The following ANXA6 variants were observed in gnomAD, a reference collection of about 807,000 sequenced individuals.
ANXA6 encodes the protein annexin A6, also known as 67 kDa calelectrin.
In ANXA6, 71 loss-of-function variants were observed where a neutral mutation model predicts 95.4. The observed-to-expected ratio is 0.74, with a 90% CI of 0.61 to 0.91. The LOEUF (loss-of-function observed/expected upper bound fraction) is 0.91. Ranked by LOEUF, ANXA6 falls within the 40% of genes least tolerant of loss-of-function variation. The pLI is 0.00. For synonymous variants in ANXA6, 289 were observed against 315.9 expected (o/e 0.91, Z 0.90); for missense variants, 830 against 876.4 (o/e 0.95, Z 0.67).
intron 18 of ANXA6, 68 bp downstream of exon 18, chr5:151,119,232 G>A: frequency 7.6e-7 from 1 of 1,315,332 alleles, no homozygotes; most frequent in Non-Finnish European, 1.1e-6. Context: ...CAGAGCTGTG[G>A]GCTGGGGTTG....
rs1401085589 is a variant in ANXA6, at chr5:151,137,232, A to G, written c.408T>C (p.Asp136=). 3.7e-6 allele frequency: 6 copies of G among 1,613,440 alleles called. No individual in the cohort carries two copies. The highest frequency in any genetic ancestry group is 2.7e-5 in the African/African-American group (2 of 75,040). ...AGCGGCCCCTCCTGCCCATCTCACCATCTTTGTATGCTGCCACCAGCTGGT... is the reference window on the plus strand; with the variant it reads ...AGCGGCCCCTCCTGCCCATCTCACCGTCTTTGTATGCTGCCACCAGCTGGT... The part of the protein sequence containing the change: ...QMHQLVAAYK[D]AYERDLEADI... The change falls in exon 6 of 26, where the codon GAT becomes GAC. Residue 136 remains aspartate, a splice_region_variant and synonymous_variant. Transcript: ENST00000354546.
intron 2 of ANXA6, among the ~76,000 whole-genome samples, chr5:151,140,954 G>A (rs558654810): frequency 6.6e-6 from 1 of 152,306 alleles, no homozygotes; most frequent in African/African-American, 2.4e-5. Context: ...ACTGAGGGTG[G>A]GGTCCTGGGC....
chr5:151,128,064 C>A, intron 13 of ANXA6, 117 bp downstream of exon 13: 1 of 899,310 alleles, frequency 1.1e-6, no homozygotes. Flanking sequence ...GTGCGACGCT[C>A]CTGGCTCAGG....
In ANXA6 at chr5:151,117,799, T is replaced by C; in HGVS notation, c.1477A>G (p.Thr493Ala). 6.2e-7 allele frequency: 1 copy of C among 1,613,792 alleles called. No individual in the cohort carries two copies. Among genetic ancestry groups the C allele is most frequent in the Non-Finnish European group, 8.5e-7 (1 of 1,179,792 alleles). Reference protein sequence around the residue: ...KSLEDALSSDTSGHFRRILIS... With the variant: ...KSLEDALSSDASGHFRRILIS... The stretch of plus-strand genomic sequence containing the variant: ...AGGATCCTCCTGAAGTGGCCAGATG[T>C]GTCTGAGCTCAGAGCATCCTCCAGG... The change falls in exon 19 of 26, where the codon ACA (threonine) becomes GCA (alanine). Residue 493 changes from threonine (T) to alanine (A), a missense_variant. Physicochemically the swap from Thr to Ala is moderately conservative, Grantham distance 58 (BLOSUM62 0). Coordinates refer to ENST00000354546, the MANE Select transcript of ANXA6 (RefSeq NM_001155.5).
rs2113895939 is a variant in ANXA6, at chr5:151,108,455, C to T, written c.1780G>A (p.Val594Ile). 1 of 1,613,268 alleles carries T rather than the reference C, an allele frequency of 6.2e-7. No individual in the cohort carries two copies. The highest frequency in any genetic ancestry group is 2.2e-5 in the East Asian group (1 of 44,882). ...GDVRDAFVAI[V>I]QSVKNKPLFF... The stretch of plus-strand genomic sequence containing the variant: ...CCTTCCCTTAGTCCCTGCCAGTTAC[C>T]AATGGCCACAAATGCATCCCTGACA... The change falls in exon 23 of 26, where the codon GTT (valine) becomes ATT (isoleucine). Residue 594 changes from valine (V) to isoleucine (I), a missense_variant and splice_region_variant. Val to Ile is a conservative substitution (Grantham distance 29). Transcript: ENST00000354546.
rs549370441 is a variant in ANXA6 at position 151,139,902 on chromosome 5, C to A, written c.109+251G>T. On this transcript the variant is annotated intron_variant, in intron 3 of 25. Transcript: ENST00000354546. ...GGAGGGGGATCTACCAAGGAAACTT[C>A]AACTATGCTAATGAAGCACTAGTTC... is the stretch of plus-strand genomic sequence containing the variant. Among the ~76,000 whole-genome samples, 4 of 152,334 alleles carry A rather than the reference C, an allele frequency of 2.6e-5. No individual in the cohort carries two copies. The South Asian group carries it at 8.3e-4, about 32-fold the overall frequency.
intron 2 of ANXA6, among the ~76,000 whole-genome samples, chr5:151,141,891 C>T (rs1367502053): frequency 3.9e-5 from 6 of 152,162 alleles, no homozygotes; most frequent in Non-Finnish European, 1.5e-5. Flanking sequence ...CTCCCCTTGG[C>T]CTTACTTCAG....
Position 151,128,452 on chromosome 5 carries a change from T to C in ANXA6, c.919-213A>G, listed in dbSNP as rs189144718. The C allele has an allele frequency of 2.6e-4, 143 of 548,522 alleles. 1 individual carries two copies. Among genetic ancestry groups the C allele is most frequent in the African/African-American group, 1.8e-3 (95 of 52,844 alleles). 34.0% of individuals were successfully genotyped at this position (548,522 alleles called of 1,614,324 possible). A position where few individuals can be genotyped will look rare whatever the true frequency, so the allele number is the denominator to read the frequency against. ...AATTTATAGCATTTGCCTATTTCTG[T>C]GGTGTAAATACTTCTAGCAATGGAC... On this transcript the variant is annotated intron_variant, in intron 12 of 25. Transcript: ENST00000354546.
chr5:151,148,020 G>A (rs1766014441), intron 1 of ANXA6, 94 bp from the exon 2 acceptor site: 1 of 1,265,334 alleles, frequency 7.9e-7, no homozygotes, highest in Admixed American at 2.0e-5. Context: ...TTTTCCAGCT[G>A]CCCCCAGCCC....
intron 6 of ANXA6, 146 bp from the exon 7 acceptor site, chr5:151,136,481 T>C: frequency 1.5e-6 from 1 of 675,106 alleles, no homozygotes; most frequent in South Asian, 1.8e-5. Context: ...ACCCAGGGTA[T>C]ATTTTCACAG....
chr5:151,118,567 G>T (rs1471186690), intron 18 of ANXA6, among the ~76,000 whole-genome samples: 2 of 152,092 alleles, frequency 1.3e-5, no homozygotes, highest in Non-Finnish European at 2.9e-5. Flanking sequence ...CTAAGTAGCT[G>T]GGGCTACAGG....
rs771024810 is a variant in ANXA6 at position 151,128,245 on chromosome 5, GAGAA to G, written c.919-10_919-7del. On this transcript the variant is annotated splice_region_variant and splice_polypyrimidine_tract_variant and intron_variant, in intron 12 of 25. Transcript: ENST00000354546. ...TACTCGCCAGAGGTGTCATTCTGAA[GAGAA>G]AGAAAGAAAGGTTACCTCTCACCCA... The G allele has an allele frequency of 1.5e-5, 24 of 1,607,168 alleles. No individual in the cohort carries two copies. The highest frequency in any genetic ancestry group is 1.3e-4 in the African/African-American group (10 of 74,784).
At chr5:151,129,663 T>TC (rs1189768668) in intron 11 of ANXA6, 134 bp from the exon 12 acceptor site, 1 of 1,019,942 alleles carries the variant, frequency 9.8e-7, no homozygotes, top group African/African-American at 1.6e-5. Flanking sequence ...ACATTGCCAT[T>TC]CCCATTGAAG....
At chr5:151,137,121 A>T in intron 6 of ANXA6, 110 bp downstream of exon 6, 2 of 908,978 alleles carry the variant, frequency 2.2e-6, no homozygotes, top group Non-Finnish European at 3.4e-6. Context: ...CAAATGGATC[A>T]GAGGAAAGGA....
chr5:151,117,187 C>A lies in ANXA6; in HGVS notation c.1519-7G>T. The A allele has an allele frequency of 6.3e-7, 1 of 1,588,768 alleles. No homozygotes were observed. Among genetic ancestry groups the A allele is most frequent in the Non-Finnish European group, 8.6e-7 (1 of 1,165,166 alleles). On this transcript the variant is annotated splice_region_variant and splice_polypyrimidine_tract_variant and intron_variant, in intron 19 of 25. Coordinates refer to ENST00000354546, the MANE Select transcript of ANXA6 (RefSeq NM_001155.5). ...CTCCCTCCTCACGATGCCCCTGCAGCAGGAGCAGCAAGAAAGTTCAGTCCC... is the reference window on the plus strand; with the variant it reads ...CTCCCTCCTCACGATGCCCCTGCAGAAGGAGCAGCAAGAAAGTTCAGTCCC...
chr5:151,119,355 G>C lies in ANXA6; in HGVS notation c.1383C>G (p.Ile461Met). ...AGTDEKALIE[I>M]LATRTNAEIR... ...TTTCAGCATTGGTCCGAGTGGCCAG[G>C]ATTTCAATAAGAGCCTTTTCATCTG... The change falls in exon 18 of 26, where the codon ATC becomes ATG. Residue 461 changes from isoleucine to methionine, a missense_variant. Transcript: ENST00000354546. 6.2e-7 allele frequency: 1 copy of C among 1,613,818 alleles called. No individual in the cohort carries two copies. Among genetic ancestry groups the C allele is most frequent in the Non-Finnish European group, 8.5e-7 (1 of 1,179,886 alleles).
At chr5:151,129,322 T>A in intron 12 of ANXA6, 85 bp downstream of exon 12, 2 of 1,544,836 alleles carry the variant, frequency 1.3e-6, no homozygotes. Context: ...CTAGGACATT[T>A]CCTTTTCCTG....
intron 1 of ANXA6, among the ~76,000 whole-genome samples, chr5:151,157,036 G>A (rs909996162): frequency 6.6e-6 from 1 of 152,184 alleles, no homozygotes; most frequent in Admixed American, 6.5e-5. Flanking sequence ...CCGCTTAGGG[G>A]ATGCAGAAAG....
At chr5:151,150,506 G>GT (rs1285101061) in intron 1 of ANXA6, among the ~76,000 whole-genome samples, 5 of 152,202 alleles carry the variant, frequency 3.3e-5, no homozygotes, top group African/African-American at 1.2e-4. Flanking sequence ...TTGCCTCTGT[G>GT]TCTTCACTGG....
Sources: allele counts gnomAD v4.1 joint callset (sites outside exome capture counted in the v4.1 genomes callset), GRCh38; gene constraint gnomAD v4.1.1; transcripts MANE v1.5; gene names NCBI Gene and HGNC (gene_info 2026-07-23, HGNC 2026-07-21).